Variants in ALPK2 observed in about 807,000 individuals in gnomAD.
The protein encoded by ALPK2 is alpha-protein kinase 2.
In ALPK2, 127 loss-of-function variants were observed where a neutral mutation model predicts 163.1. That is an observed-to-expected ratio of 0.78 (90% CI 0.67 to 0.90). ALPK2 has a LOEUF of 0.90. ALPK2 is among the 40% of genes least tolerant of loss of function. The pLI is 0.00. For synonymous variants in ALPK2, 953 were observed against 959.1 expected, an observed-to-expected ratio of 0.99 and a Z score of 0.12; for missense variants, 2,360 against 2,589.6, an observed-to-expected ratio of 0.91 and a Z score of 1.92.
At chr18:58,551,088 G>A (rs1452854793) in intron 4 of ALPK2, among the ~76,000 whole-genome samples, 3 of 147,806 alleles carry the variant, frequency 2.0e-5, no homozygotes, top group African/African-American at 7.5e-5. Context: ...GGCTTCTTTA[G>A]AAGGTCCCAG....
intron 3 of ALPK2, among the ~76,000 whole-genome samples, chr18:58,604,043 T>C (rs2052085602): frequency 1.3e-5 from 2 of 152,228 alleles, no homozygotes; most frequent in Admixed American, 1.3e-4. Flanking sequence ...GAATGCAGGA[T>C]GCAGGGAAGA....
intron 1 of ALPK2, among the ~76,000 whole-genome samples, chr18:58,614,039 T>C (rs1263392320): frequency 1.3e-5 from 2 of 152,158 alleles, no homozygotes; most frequent in African/African-American, 4.8e-5. Flanking sequence ...AAAAAATAAA[T>C]TAATTAAGGG....
rs968539401 is a variant in ALPK2, at chr18:58,535,319, A to T, written c.4868T>A (p.Ile1623Lys). 2.5e-6 allele frequency: 4 copies of T among 1,614,174 alleles called. No homozygotes were observed. The highest frequency in any genetic ancestry group is 3.4e-6 in the Non-Finnish European group (4 of 1,180,024). The change falls in exon 5 of 13, where the codon ATA (isoleucine) becomes AAA (lysine). Residue 1623 changes from isoleucine to lysine, a missense_variant. Transcript: ENST00000361673. ...SPEGNVTDFLISHKMEEPKIE... is the reference protein window; with the variant it reads ...SPEGNVTDFLKSHKMEEPKIE... Reference sequence around the variant, plus strand: ...TTTAGGTTCCTCCATTTTGTGGCTTATCAAAAAGTCTGTGACATTTCCTTC... The same window carrying T: ...TTTAGGTTCCTCCATTTTGTGGCTTTTCAAAAAGTCTGTGACATTTCCTTC...
At chr18:58,504,546 C>T (rs1197648847) in intron 10 of ALPK2, among the ~76,000 whole-genome samples, 1 of 152,188 alleles carries the variant, frequency 6.6e-6, no homozygotes, top group Admixed American at 6.5e-5. Context: ...ATCCATTGAT[C>T]CTTCTTTCCT....
rs2051525057 is a variant in ALPK2 at position 58,516,974 on chromosome 18, A to G, written c.5874T>C (p.Asn1958=). The G allele has an allele frequency of 6.2e-7, 1 of 1,614,206 alleles. No individual in the cohort carries two copies. Among genetic ancestry groups the G allele is most frequent in the Non-Finnish European group, 8.5e-7 (1 of 1,180,032 alleles). ...PGHACVLKVH[N]AIAYGTRNND... is the part of the protein sequence containing the mutation. ...TATTTCTGGTCCCATAGGCAATGGC[A>G]TTGTGCACCTTAAGCACACAGGCAT... Residue 1958 remains asparagine (N), a synonymous_variant, in exon 9 of 13, where the codon AAT becomes AAC. Transcript: ENST00000361673.
chr18:58,500,519 CTCTAGAG>C (rs1373120486), intron 11 of ALPK2, among the ~76,000 whole-genome samples: 3 of 152,168 alleles, frequency 2.0e-5, no homozygotes, highest in African/African-American at 4.8e-5. Context: ...TACTAGGAAT[CTCTAGAG>C]TCTAAAGTTA....
At chr18:58,589,593 T>A (rs2052004990) in intron 3 of ALPK2, among the ~76,000 whole-genome samples, 1 of 152,112 alleles carries the variant, frequency 6.6e-6, no homozygotes, top group South Asian at 2.1e-4. Context: ...AATATACCCA[T>A]CAAAATGATA....
chr18:58,615,441 G>T (rs2052161390), intron 1 of ALPK2, among the ~76,000 whole-genome samples: 1 of 152,100 alleles, frequency 6.6e-6, no homozygotes, highest in Non-Finnish European at 1.5e-5. Context: ...CCAATTATAA[G>T]GCAAGGCATT....
intron 3 of ALPK2, chr18:58,580,850 T>A: frequency 3.1e-6 from 1 of 322,362 alleles, no homozygotes; most frequent in Non-Finnish European, 5.7e-6. Context: ...GTCAGGACAT[T>A]ACCTTATATG....
intron 3 of ALPK2, among the ~76,000 whole-genome samples, chr18:58,606,816 A>C (rs1478865511): frequency 6.6e-6 from 1 of 152,188 alleles, no homozygotes; most frequent in African/African-American, 2.4e-5. Flanking sequence ...ATCCAAACAA[A>C]AGTTCTTGGA....
chr18:58,557,496 G>A (rs1164207122), intron 4 of ALPK2, among the ~76,000 whole-genome samples: 1 of 152,092 alleles, frequency 6.6e-6, no homozygotes, highest in African/African-American at 2.4e-5. Flanking sequence ...AGATAGTAGG[G>A]GAGGCTGTGC....
intron 1 of ALPK2, among the ~76,000 whole-genome samples, chr18:58,617,090 ATTG>A (rs2052173966): frequency 6.6e-6 from 1 of 152,230 alleles, no homozygotes; most frequent in Admixed American, 6.5e-5. Flanking sequence ...CGTGTTGATG[ATTG>A]TTGTTGTGGT....
intron 1 of ALPK2, among the ~76,000 whole-genome samples, chr18:58,624,445 CTTTCT>C (rs1373962259): frequency 1.0e-5 from 1 of 99,450 alleles, no homozygotes; most frequent in Non-Finnish European, 1.9e-5. Context: ...GAGTTGATTT[CTTTCT>C]TTTTTTTTTT....
At chr18:58,573,613 CTTTT>C (rs778622176) in intron 4 of ALPK2, among the ~76,000 whole-genome samples, 2 of 51,730 alleles carry the variant, frequency 3.9e-5, no homozygotes, top group African/African-American at 7.8e-5. Context: ...TTTTTGTCTT[CTTTT>C]TTTTTTTTTT....
intron 4 of ALPK2, among the ~76,000 whole-genome samples, chr18:58,568,230 G>A (rs1342920396): frequency 6.6e-6 from 1 of 152,188 alleles, no homozygotes; most frequent in African/African-American, 2.4e-5. Flanking sequence ...TATGGCACTA[G>A]GACAGGAACG....
In ALPK2 at chr18:58,573,266, A is replaced by ATATGTGTATATATGTG. The variant is rs1568089348; in HGVS notation, c.1962+5547_1962+5548insCACATATATACACATA. Among the ~76,000 whole-genome samples the ATATGTGTATATATGTG allele has an allele frequency of 1.9e-3, 64 of 33,382 alleles. 2 individuals are homozygous for ATATGTGTATATATGTG. Among genetic ancestry groups the ATATGTGTATATATGTG allele is most frequent in the African/African-American group, 4.8e-3 (57 of 11,798 alleles). The allele number at this position is 33,382 out of a possible 152,430, so 21.9% of individuals were successfully genotyped here. A position where few individuals can be genotyped will look rare whatever the true frequency, so the allele number is the denominator to read the frequency against. On this transcript the variant is annotated intron_variant, in intron 4 of 12. Transcript: ENST00000361673. Reference sequence around the variant, plus strand: ...TATGTGTATATATGTATATATGTGTATATATATGTATATATGTGTATATAT... The same window carrying ATATGTGTATATATGTG: ...TATGTGTATATATGTATATATGTGTATATGTGTATATATGTGTATATATGTATATATGTGTATATAT...
At chr18:58,504,323 T>C (rs2051450584) in intron 10 of ALPK2, among the ~76,000 whole-genome samples, 175 bp from the exon 11 acceptor site, 1 of 152,212 alleles carries the variant, frequency 6.6e-6, no homozygotes, top group Non-Finnish European at 1.5e-5. Flanking sequence ...TGTTTCTGTG[T>C]TTTATTTGTT....
At chr18:58,499,652 A>G (rs1442948592) in intron 11 of ALPK2, among the ~76,000 whole-genome samples, 2 of 152,170 alleles carry the variant, frequency 1.3e-5, no homozygotes, top group African/African-American at 2.4e-5. Context: ...ATTTTATCCC[A>G]TGGCCCATAG....
At chr18:58,513,217 GTTGT>G (rs201759672) in intron 10 of ALPK2, among the ~76,000 whole-genome samples, 2,027 of 144,604 alleles carry the variant, frequency 0.014, 40 homozygotes, top group African/African-American at 0.046. Context: ...TATGGTGAGT[GTTGT>G]TTGTGTGGTA....
Sources: gnomAD v4.1 joint callset for allele counts (sites outside exome capture counted in the v4.1 genomes callset) on GRCh38, gnomAD v4.1.1 for gene constraint, MANE v1.5 for transcripts, NCBI Gene and HGNC (gene_info 2026-07-23, HGNC 2026-07-21) for gene names.